The following PCDH15 variants were observed in gnomAD, a reference collection of about 807,000 sequenced individuals.
The protein encoded by PCDH15 is protocadherin-15.
PCDH15 carries 129 observed loss-of-function variants against 178.5 expected under a neutral mutation model. That is an observed-to-expected ratio of 0.72 (90% CI 0.63 to 0.84). The LOEUF is 0.84. Ranked by LOEUF, PCDH15 falls within the 40% of genes least tolerant of loss-of-function variation. The pLI, the probability that PCDH15 is intolerant of heterozygous loss-of-function variation, is 0.00. For missense variants in PCDH15, 2,230 were observed against 2,099.9 expected (o/e 1.06, Z -1.21); for synonymous variants, 800 against 732.0 (o/e 1.09, Z -1.50).
chr10:53,876,427 C>A (rs1464463647), intron 26 of PCDH15, among the ~76,000 whole-genome samples: 1 of 152,012 alleles, frequency 6.6e-6, no homozygotes. Context: ...ACCTCGTGAT[C>A]CACCCGGCTC....
intron 2 of PCDH15, among the ~76,000 whole-genome samples, chr10:54,612,842 G>T (rs958379362): frequency 5.9e-5 from 9 of 151,548 alleles, no homozygotes; most frequent in African/African-American, 2.2e-4. Flanking sequence ...ATCGTACCTG[G>T]TCAGATTTAC....
rs545306456 is a variant in PCDH15 at position 55,310,062 on chromosome 10, T to C, written c.-156+9537A>G. 1.8e-3 allele frequency among the ~76,000 whole-genome samples: 274 copies of C among 152,316 alleles called. 1 individual carries two copies. Among genetic ancestry groups the C allele is most frequent in the African/African-American group, 6.5e-3 (269 of 41,574 alleles). On this transcript the variant is annotated intron_variant, in intron 1 of 5. Transcript: ENST00000458638. ...TCCTCCATGGCTACATTTATTTTCC[T>C]TTTTGGAGCTTACACTAAATATCTT...
chr10:54,683,992 C>T (rs780159652), intron 1 of PCDH15, among the ~76,000 whole-genome samples: 4 of 151,812 alleles, frequency 2.6e-5, no homozygotes, highest in Non-Finnish European at 5.9e-5. Context: ...TTTTGAGATA[C>T]TAAGAAGATT....
At chr10:54,143,685 TG>T (rs552624575) in intron 14 of PCDH15, among the ~76,000 whole-genome samples, 54 of 152,320 alleles carry the variant, frequency 3.5e-4, no homozygotes, top group Non-Finnish European at 6.5e-4. Context: ...TTTTTTGTTT[TG>T]TTTTTCAGAG....
intron 21 of PCDH15, chr10:53,994,571 A>G (rs1044557859): frequency 2.0e-5 from 3 of 152,132 alleles, no homozygotes; most frequent in Non-Finnish European, 4.4e-5. Context: ...AAACAGAAAA[A>G]TTGCCAGTTT....
chr10:54,186,023 C>T (rs550736383), intron 11 of PCDH15, among the ~76,000 whole-genome samples: 23 of 151,940 alleles, frequency 1.5e-4, no homozygotes, highest in Admixed American at 1.4e-3. Context: ...CATTGCCACC[C>T]CTGAAACAGA....
intron 2 of PCDH15, among the ~76,000 whole-genome samples, chr10:55,625,219 C>G (rs1201531359): frequency 6.6e-6 from 1 of 151,898 alleles, no homozygotes; most frequent in East Asian, 1.9e-4. Flanking sequence ...AAAGGGCCAC[C>G]ATCCAAGGCT....
At chr10:55,382,647 C>A (rs942315234) in intron 2 of PCDH15, among the ~76,000 whole-genome samples, 2 of 152,164 alleles carry the variant, frequency 1.3e-5, no homozygotes, top group African/African-American at 4.8e-5. Flanking sequence ...GTTGTTTAGG[C>A]TCTTCATTCA....
chr10:55,413,469 A>T (rs7080241), intron 2 of PCDH15, among the ~76,000 whole-genome samples: 73,738 of 151,452 alleles, frequency 0.49, 18,980 homozygotes, highest in African/African-American at 0.58. Flanking sequence ...TCTATGATAG[A>T]CAACTTTTAC....
At chr10:54,505,563 G>T (rs1381880559) in intron 3 of PCDH15, among the ~76,000 whole-genome samples, 1 of 151,786 alleles carries the variant, frequency 6.6e-6, no homozygotes, top group African/African-American at 2.4e-5. Context: ...ACCAAACACC[G>T]CATGTTCTCA....
At chr10:55,519,190 T>G (rs1388243483) in intron 2 of PCDH15, among the ~76,000 whole-genome samples, 2 of 142,266 alleles carry the variant, frequency 1.4e-5, no homozygotes, top group Non-Finnish European at 3.0e-5. Context: ...TTATTTAAAA[T>G]AAGCCTGTCC....
Position 53,806,496 on chromosome 10 carries a change from C to T in PCDH15, c.*83G>A, listed in dbSNP as rs181933123. The T allele has an allele frequency of 1.6e-3, 1,836 of 1,180,530 alleles. 19 individuals are homozygous for T. The African/African-American group carries it at 0.024, about 16-fold the overall frequency. The allele number at this position is 1,180,530 out of a possible 1,614,324, so 73.1% of individuals were successfully genotyped here. A position where few individuals can be genotyped will look rare whatever the true frequency, so the allele number is the denominator to read the frequency against. On this transcript the variant is annotated 3_prime_UTR_variant, in exon 38 of 38. Transcript: ENST00000644397. ...TTGTGTGCATGATATAAATTCCATA[C>T]ATTGTTTTCTCAGTGACAATAAAAA...
At chr10:55,003,216 T>G (rs1839835819) in intron 2 of PCDH15, among the ~76,000 whole-genome samples, 1 of 152,196 alleles carries the variant, frequency 6.6e-6, no homozygotes. Flanking sequence ...AAGCAACTTA[T>G]AATTAGCTAC....
At chr10:53,913,576 T>C (rs1243578245) in intron 25 of PCDH15, among the ~76,000 whole-genome samples, 3 of 58,146 alleles carry the variant, frequency 5.2e-5, no homozygotes, top group Non-Finnish European at 9.2e-5. Context: ...CACTAAAAGA[T>C]ACAAAAAAAA....
intron 2 of PCDH15, among the ~76,000 whole-genome samples, chr10:55,131,044 A>G (rs909273001): frequency 6.6e-6 from 1 of 152,136 alleles, no homozygotes; most frequent in Non-Finnish European, 1.5e-5. Context: ...TTAAAAAAAA[A>G]TGCCCGAAGT....
At chr10:54,683,414 T>C (rs879748766) in intron 1 of PCDH15, among the ~76,000 whole-genome samples, 2 of 152,066 alleles carry the variant, frequency 1.3e-5, no homozygotes, top group African/African-American at 2.4e-5. Flanking sequence ...CTATTCTGGG[T>C]ATGGTATATT....
At chr10:55,089,015 A>T (rs1384465588) in intron 2 of PCDH15, among the ~76,000 whole-genome samples, 1 of 152,084 alleles carries the variant, frequency 6.6e-6, no homozygotes, top group Non-Finnish European at 1.5e-5. Flanking sequence ...TTCTTGTTTT[A>T]AAAAAAGATG....
intron 1 of PCDH15, among the ~76,000 whole-genome samples, chr10:55,176,141 C>T (rs982994798): frequency 7.2e-5 from 11 of 152,082 alleles, no homozygotes; most frequent in African/African-American, 2.4e-4. Flanking sequence ...TAACTTCCTC[C>T]TGGATATAGG....
chr10:54,988,131 A>G (rs1200173490), intron 2 of PCDH15, among the ~76,000 whole-genome samples: 1 of 152,112 alleles, frequency 6.6e-6, no homozygotes, highest in Non-Finnish European at 1.5e-5. Context: ...TCCTTTCACC[A>G]TTGCTTGCTT....
Sources: allele counts gnomAD v4.1 joint callset (sites outside exome capture counted in the v4.1 genomes callset), GRCh38; gene constraint gnomAD v4.1.1; transcripts MANE v1.5; gene names NCBI Gene and HGNC (gene_info 2026-07-23, HGNC 2026-07-21).